AKAP6: variants seen among roughly 807,000 people sequenced by gnomAD.
AKAP6 encodes the protein A-kinase anchoring protein 6.
In AKAP6, 58 loss-of-function variants were observed where a neutral mutation model predicts 188.5. That is an observed-to-expected ratio of 0.31 (90% CI 0.25 to 0.38). The LOEUF (loss-of-function observed/expected upper bound fraction) is 0.38. Among genes scored for constraint, AKAP6 ranks in the 10% least tolerant of loss-of-function variants. The pLI, the probability that AKAP6 is intolerant of heterozygous loss-of-function variation, is 1.00. For synonymous variants in AKAP6, 989 were observed against 998.6 expected (o/e 0.99, Z 0.18); for missense variants, 2,710 against 2,740.0 (o/e 0.99, Z 0.24).
At position 32,822,351 on chromosome 14, in the gene AKAP6, A is replaced by G; in HGVS notation, c.4538A>G (p.His1513Arg). Residue 1513 changes from histidine (H) to arginine (R), a missense_variant, in exon 13 of 14, where the codon CAT (histidine) becomes CGT (arginine). Coordinates refer to ENST00000280979, the MANE Select transcript of AKAP6 (RefSeq NM_004274.5). ...GATAAAAAATCATGCAAATCTAAAC[A>G]TCAGACTACAGAGTTACAACCAGAT... ...YFDKKSCKSK[H>R]QTTELQPDVP... The G allele has an allele frequency of 6.2e-7, 1 of 1,614,002 alleles. No individual in the cohort carries two copies. The highest frequency in any genetic ancestry group is 1.3e-5 in the African/African-American group (1 of 75,028).
chr14:32,623,784 C>T (rs1204296757), intron 7 of AKAP6, among the ~76,000 whole-genome samples: 2 of 152,102 alleles, frequency 1.3e-5, no homozygotes, highest in African/African-American at 2.4e-5. Context: ...TTCATAAAGC[C>T]GTATTCCTTG....
At chr14:32,803,280 T>TA (rs751626513) in intron 12 of AKAP6, among the ~76,000 whole-genome samples, 24,975 of 115,784 alleles carry the variant, frequency 0.22, 2,684 homozygotes, top group African/African-American at 0.34. Flanking sequence ...CCCGTCTCTA[T>TA]AAAAAAAAAA....
At chr14:32,580,364 T>C (rs1200714556) in intron 5 of AKAP6, among the ~76,000 whole-genome samples, 1 of 152,108 alleles carries the variant, frequency 6.6e-6, no homozygotes, top group Non-Finnish European at 1.5e-5. Context: ...TTTGCAAGTG[T>C]TGAACATTCC....
intron 2 of AKAP6, among the ~76,000 whole-genome samples, chr14:32,526,279 T>C (rs1882120925): frequency 6.6e-6 from 1 of 152,030 alleles, no homozygotes; most frequent in Non-Finnish European, 1.5e-5. Context: ...GTCGCCCAGG[T>C]TGGAGTGCAG....
chr14:32,629,665 T>C (rs1887173599), intron 7 of AKAP6, among the ~76,000 whole-genome samples: 1 of 143,434 alleles, frequency 7.0e-6, no homozygotes, highest in Non-Finnish European at 1.5e-5. Flanking sequence ...GTGAAGCTAA[T>C]TGCATATAAG....
intron 1 of AKAP6, among the ~76,000 whole-genome samples, chr14:32,362,339 G>A (rs1282426814): frequency 6.6e-6 from 1 of 152,198 alleles, no homozygotes; most frequent in African/African-American, 2.4e-5. Flanking sequence ...TAAGTTTACA[G>A]TACTGTTAAG....
rs1307058196 is a variant in AKAP6 at position 32,386,871 on chromosome 14, C to A, written c.-34-46589C>A. The stretch of plus-strand genomic sequence containing the variant: ...CATTTGTTGAAAACGGTGTCCTTTC[C>A]CCACTTTATGTTTTTGTTTGATTTG... On this transcript the variant is annotated intron_variant, in intron 1 of 13. Transcript: ENST00000280979. 2.0e-5 allele frequency among the ~76,000 whole-genome samples: 3 copies of A among 152,068 alleles called. No individual in the cohort carries two copies. The East Asian group carries it at 5.8e-4, about 29-fold the overall frequency.
chr14:32,499,433 G>A (rs1215112450), intron 2 of AKAP6, among the ~76,000 whole-genome samples: 1 of 151,732 alleles, frequency 6.6e-6, no homozygotes, highest in Non-Finnish European at 1.5e-5. Flanking sequence ...GCCCAGCCTG[G>A]GCTGTCATTT....
intron 11 of AKAP6, among the ~76,000 whole-genome samples, chr14:32,750,310 A>G (rs1033603142): frequency 5.3e-5 from 8 of 151,750 alleles, no homozygotes; most frequent in African/African-American, 1.7e-4. Flanking sequence ...CTATTTCCCT[A>G]TTTTTGTTGA....
chr14:32,338,844 T>G (rs1001727538), intron 1 of AKAP6, among the ~76,000 whole-genome samples: 2 of 152,160 alleles, frequency 1.3e-5, no homozygotes, highest in Admixed American at 1.3e-4. Context: ...ATGAAAGTTA[T>G]TGTTTCACAT....
At chr14:32,392,209 A>G (rs1181651305) in intron 1 of AKAP6, among the ~76,000 whole-genome samples, 3 of 152,210 alleles carry the variant, frequency 2.0e-5, no homozygotes, top group African/African-American at 7.2e-5. Context: ...AATGTTCTTT[A>G]GTTAATAGCT....
intron 2 of AKAP6, among the ~76,000 whole-genome samples, chr14:32,533,017 CA>C (rs1882491643): frequency 6.6e-6 from 1 of 152,080 alleles, no homozygotes; most frequent in Admixed American, 6.6e-5. Context: ...TATTGTTACA[CA>C]GGTGAAGTGA....
rs115610127 is a variant in AKAP6 at position 32,755,916 on chromosome 14, G to A, written c.3373-17762G>A. On this transcript the variant is annotated intron_variant, in intron 11 of 13. Transcript: ENST00000280979. ...TTCTCTGATTATTTGTGATCCTTGGGGCTAGGCATTTGTGCCTGCACATTT... is the reference window on the plus strand; with the variant it reads ...TTCTCTGATTATTTGTGATCCTTGGAGCTAGGCATTTGTGCCTGCACATTT... Among the ~76,000 whole-genome samples the A allele has an allele frequency of 6.1e-3, 935 of 152,278 alleles. 7 individuals are homozygous for A. The highest frequency in any genetic ancestry group is 0.021 in the African/African-American group (891 of 41,538).
chr14:32,381,704 A>T (rs1888367770), intron 1 of AKAP6, among the ~76,000 whole-genome samples: 1 of 152,034 alleles, frequency 6.6e-6, no homozygotes, highest in Non-Finnish European at 1.5e-5. Flanking sequence ...TTTTTTGGCC[A>T]TTCCTTTAGT....
At chr14:32,660,269 G>A (rs1187270593) in intron 7 of AKAP6, among the ~76,000 whole-genome samples, 4 of 152,132 alleles carry the variant, frequency 2.6e-5, no homozygotes, top group East Asian at 1.9e-4. Context: ...TTTCCAGGAT[G>A]AGGCAATGGG....
chr14:32,813,549 G>A (rs2034303131), intron 12 of AKAP6, among the ~76,000 whole-genome samples: 1 of 151,886 alleles, frequency 6.6e-6, no homozygotes. Flanking sequence ...GATCAAAAGG[G>A]GCCATTATGA....
rs78702055 is a variant in AKAP6, at chr14:32,814,045, G to A, written c.3589-7357G>A. Among the ~76,000 whole-genome samples, 398 of 152,156 alleles carry A rather than the reference G, an allele frequency of 2.6e-3. 2 individuals are homozygous for A. The highest frequency in any genetic ancestry group is 9.2e-3 in the African/African-American group (383 of 41,500). The stretch of plus-strand genomic sequence containing the variant: ...AGACTGGTGCTGGGACAAACAAGGT[G>A]TTGAACAGTACCTGACAGGGCCACA... On this transcript the variant is annotated intron_variant, in intron 12 of 13. Coordinates refer to ENST00000280979, the MANE Select transcript of AKAP6 (RefSeq NM_004274.5).
chr14:32,815,409 T>C (rs1396129202), intron 12 of AKAP6, among the ~76,000 whole-genome samples: 1 of 152,224 alleles, frequency 6.6e-6, no homozygotes, highest in Non-Finnish European at 1.5e-5. Flanking sequence ...TCAGTTGTGA[T>C]AGAATTTCAG....
chr14:32,518,035 G>A (rs1881613015), intron 2 of AKAP6, among the ~76,000 whole-genome samples: 1 of 152,206 alleles, frequency 6.6e-6, no homozygotes. Context: ...TTACCGTTCT[G>A]CAACATTTGC....
Sources: gnomAD v4.1 joint callset for allele counts (sites outside exome capture counted in the v4.1 genomes callset) on GRCh38, gnomAD v4.1.1 for gene constraint, MANE v1.5 for transcripts, NCBI Gene and HGNC (gene_info 2026-07-23, HGNC 2026-07-21) for gene names.